The following VWA3B variants were observed in gnomAD, a reference collection of about 807,000 sequenced individuals.
VWA3B encodes the protein von Willebrand factor A domain-containing protein 3B.
In VWA3B, 138 loss-of-function variants were observed where a neutral mutation model predicts 158.3. The ratio of observed to expected loss-of-function variants is 0.87; its 90% CI spans 0.76 to 1.00. VWA3B has a LOEUF of 1.00. VWA3B is among the 50% of genes least tolerant of loss of function. VWA3B has a pLI of 0.00. For missense variants in VWA3B, 1,555 were observed against 1,565.1 expected, an observed-to-expected ratio of 0.99 and a Z score of 0.11; for synonymous variants, 596 against 587.3, an observed-to-expected ratio of 1.01 and a Z score of -0.21.
At chr2:98,310,293 C>T (rs934368701) in intron 26 of VWA3B, among the ~76,000 whole-genome samples, 34 of 152,270 alleles carry the variant, frequency 2.2e-4, no homozygotes, top group African/African-American at 7.7e-4. Flanking sequence ...CTTTATTCAG[C>T]AAAGGGGGTG....
intron 13 of VWA3B, among the ~76,000 whole-genome samples, chr2:98,217,139 C>A (rs997507995): frequency 6.6e-6 from 1 of 152,204 alleles, no homozygotes; most frequent in African/African-American, 2.4e-5. Flanking sequence ...CACTCCTGTC[C>A]TCCTGCCCCC....
At chr2:98,294,203 C>CAAAAAAAAA (rs751689571) in intron 23 of VWA3B, among the ~76,000 whole-genome samples, 4 of 56,294 alleles carry the variant, frequency 7.1e-5, no homozygotes, top group African/African-American at 3.5e-4. Flanking sequence ...CACACACACA[C>CAAAAAAAAA]AAAAAAAAAA....
chr2:98,133,530 A>G (rs1336930230), intron 6 of VWA3B, among the ~76,000 whole-genome samples: 1 of 152,218 alleles, frequency 6.6e-6, no homozygotes, highest in African/African-American at 2.4e-5. Context: ...GAATATAAGC[A>G]TAGAGTGTCA....
intron 13 of VWA3B, among the ~76,000 whole-genome samples, chr2:98,213,520 C>T (rs1683715643): frequency 6.6e-6 from 1 of 152,038 alleles, no homozygotes; most frequent in African/African-American, 2.4e-5. Context: ...ATCAACAGGA[C>T]CTCATGGCCA....
At chr2:98,165,819 AC>A (rs921390160) in intron 8 of VWA3B, among the ~76,000 whole-genome samples, 6 of 151,982 alleles carry the variant, frequency 3.9e-5, no homozygotes, top group African/African-American at 1.5e-4. Context: ...ATGTAGTGAC[AC>A]CCACTCGAAA....
At chr2:98,304,864 T>C (rs889577088) in intron 26 of VWA3B, among the ~76,000 whole-genome samples, 2 of 152,136 alleles carry the variant, frequency 1.3e-5, no homozygotes, top group African/African-American at 4.8e-5. Flanking sequence ...TACCGTTCCC[T>C]TGGTTCCGCA....
chr2:98,317,991 G>C (rs543449189), downstream of VWA3B, among the ~76,000 whole-genome samples: 2 of 152,344 alleles, frequency 1.3e-5, no homozygotes, highest in South Asian at 4.1e-4. Context: ...TATGATATCT[G>C]TATGGTTAAA....
intron 21 of VWA3B, among the ~76,000 whole-genome samples, chr2:98,267,772 A>G (rs1687935757): frequency 6.6e-6 from 1 of 152,170 alleles, no homozygotes; most frequent in South Asian, 2.1e-4. Context: ...GAAAGGATCA[A>G]TAAAATTGAT....
At chr2:98,149,758 G>T (rs1353366930) in intron 7 of VWA3B, among the ~76,000 whole-genome samples, 1 of 152,108 alleles carries the variant, frequency 6.6e-6, no homozygotes, top group Non-Finnish European at 1.5e-5. Context: ...TCGGCCTTAG[G>T]TTCCCTGCCT....
intron 7 of VWA3B, among the ~76,000 whole-genome samples, chr2:98,153,454 C>G (rs1476426413): frequency 6.6e-6 from 1 of 152,090 alleles, no homozygotes; most frequent in Non-Finnish European, 1.5e-5. Context: ...AATGCATGAA[C>G]TAAGACTAAA....
downstream of VWA3B, among the ~76,000 whole-genome samples, chr2:98,313,479 T>C (rs1460779681): frequency 6.6e-6 from 1 of 152,152 alleles, no homozygotes; most frequent in Non-Finnish European, 1.5e-5. Context: ...ATGAGAGTTG[T>C]GTCCTGGAAG....
At chr2:98,106,050 G>A (rs1351736044) in intron 2 of VWA3B, among the ~76,000 whole-genome samples, 1 of 151,884 alleles carries the variant, frequency 6.6e-6, no homozygotes. Context: ...CAAGTAGCTG[G>A]GAATACAGGC....
intron 22 of VWA3B, among the ~76,000 whole-genome samples, chr2:98,279,105 GA>G (rs139462702): frequency 0.13 from 20,399 of 152,204 alleles, 2,082 homozygotes; most frequent in Non-Finnish European, 0.2. Context: ...AAGAGAAAAT[GA>G]AGCCCTTCAT....
chr2:98,259,457 T>G (rs1256743590), intron 21 of VWA3B, among the ~76,000 whole-genome samples: 2 of 151,778 alleles, frequency 1.3e-5, no homozygotes, highest in East Asian at 3.8e-4. Context: ...TTTATCTATT[T>G]CTTCTTGAGT....
At chr2:98,089,049 G>A (rs936374691) in intron 1 of VWA3B, among the ~76,000 whole-genome samples, 7 of 152,020 alleles carry the variant, frequency 4.6e-5, no homozygotes, top group Non-Finnish European at 7.4e-5. Context: ...CTTTAAGGGG[G>A]CATTACAGGA....
At position 98,216,397 on chromosome 2, in the gene VWA3B, A is replaced by G. The variant is rs373456396; in HGVS notation, c.1837-1449A>G. ...GTCTGGACTGGAATCAAGAAAATGG[A>G]CATGATAAAGGCATGTGCACCATCC... On this transcript the variant is annotated intron_variant, in intron 13 of 27. Coordinates refer to ENST00000477737, the MANE Select transcript of VWA3B (RefSeq NM_144992.5). 3.2e-4 allele frequency among the ~76,000 whole-genome samples: 49 copies of G among 152,364 alleles called. No individual in the cohort carries two copies. In the East Asian group the frequency reaches 5.2e-3, roughly 16 times the overall value.
chr2:98,151,627 G>C (rs1677641848), intron 7 of VWA3B, among the ~76,000 whole-genome samples: 1 of 152,240 alleles, frequency 6.6e-6, no homozygotes, highest in South Asian at 2.1e-4. Context: ...CTTGGAGACA[G>C]TGTTTGCTGG....
chr2:98,292,317 A>G (rs1166762411), intron 23 of VWA3B, among the ~76,000 whole-genome samples: 1 of 152,178 alleles, frequency 6.6e-6, no homozygotes, highest in Non-Finnish European at 1.5e-5. Flanking sequence ...AAGAATAATT[A>G]TTATTTAAAT....
intron 21 of VWA3B, among the ~76,000 whole-genome samples, chr2:98,261,443 A>C (rs1378833454): frequency 2.0e-5 from 3 of 151,812 alleles, no homozygotes; most frequent in Non-Finnish European, 3.0e-5. Context: ...TTACATACCA[A>C]ACATACAAGA....
Sources: allele counts gnomAD v4.1 joint callset (sites outside exome capture counted in the v4.1 genomes callset), GRCh38; gene constraint gnomAD v4.1.1; transcripts MANE v1.5; gene names NCBI Gene and HGNC (gene_info 2026-07-23, HGNC 2026-07-21).